The following ABCD4 variants were observed in gnomAD, a reference collection of about 807,000 sequenced individuals.
ABCD4 encodes the protein lysosomal cobalamin transporter ABCD4.
In ABCD4, 53 loss-of-function variants were observed where a neutral mutation model predicts 86.3. The ratio of observed to expected loss-of-function variants is 0.61; its 90% CI spans 0.49 to 0.77. The LOEUF (loss-of-function observed/expected upper bound fraction) is 0.77, where lower values mean the gene tolerates loss of function less well. ABCD4 is among the 30% of genes least tolerant of loss of function. ABCD4 has a pLI of 0.00. For missense variants in ABCD4, 757 were observed against 764.5 expected (o/e 0.99, Z 0.12); for synonymous variants, 328 against 313.6 (o/e 1.05, Z -0.49).
chr14:74,302,902 G>A lies in ABCD4; in HGVS notation c.11C>T (p.Ala4Val), dbSNP rs779381980. 2.0e-5 allele frequency: 32 copies of A among 1,606,882 alleles called. No homozygotes were observed. Among genetic ancestry groups the A allele is most frequent in the Admixed American group, 3.4e-5 (2 of 59,190 alleles). Residue 4 changes from alanine (A) to valine (V), a missense_variant, in exon 1 of 19, where the codon GCG becomes GTG. Physicochemically the swap from Ala to Val is moderately conservative, Grantham distance 64. Transcript: ENST00000356924. MAVAGPAPGAGARP... is the reference protein window; with the variant it reads MAVVGPAPGAGARP... ...GGCGCCAGCTCCGGGCGCGGGCCCC[G>A]CGACCGCCATGACCTGAGACCCGAG...
chr14:74,289,907 C>G (rs1451735622), intron 13 of ABCD4, 120 bp downstream of exon 13: 1 of 1,550,828 alleles, frequency 6.4e-7, no homozygotes, highest in African/African-American at 1.4e-5. Context: ...GCCCGGGCCA[C>G]TTCACCACCT....
chr14:74,293,358 T>C, intron 7 of ABCD4, 110 bp from the exon 8 acceptor site: 1 of 969,378 alleles, frequency 1.0e-6, no homozygotes, highest in Non-Finnish European at 1.6e-6. Flanking sequence ...ATTCAAATGA[T>C]CTTGGTCTCA....
At chr14:74,293,024 C>G (rs1459378276) in intron 8 of ABCD4, 130 bp downstream of exon 8, 13 of 1,439,892 alleles carry the variant, frequency 9.0e-6, no homozygotes, top group Middle Eastern at 1.9e-4. Context: ...AACAGCCCCC[C>G]CTCCTCATCC....
intron 4 of ABCD4, chr14:74,296,700 G>A (rs1455206488): frequency 1.3e-5 from 6 of 459,488 alleles, no homozygotes; most frequent in Non-Finnish European, 2.0e-5. Flanking sequence ...GGAACTGAAA[G>A]GTCCAGTACC....
rs2083800986 is a variant in ABCD4, at chr14:74,299,656, C to T, written c.177G>A (p.Gln59=). 6.2e-7 allele frequency: 1 copy of T among 1,613,032 alleles called. No individual in the cohort carries two copies. Among genetic ancestry groups the T allele is most frequent in the African/African-American group, 1.3e-5 (1 of 74,864 alleles). Residue 59 remains glutamine (Q), a synonymous_variant, in exon 3 of 19, where the codon CAG becomes CAA. Transcript: ENST00000356924. ...AGTACTGACTGGGGATCAAGCCAAC[C>T]TGGTAGATCACAAATTGCTCTGAAA... ...LTLLEQFVIY[Q]VGLIPSQYYG... is the part of the protein sequence containing the mutation.
At chr14:74,287,119 A>C (rs893872199) in intron 17 of ABCD4, among the ~76,000 whole-genome samples, 11 of 152,196 alleles carry the variant, frequency 7.2e-5, no homozygotes, top group Non-Finnish European at 1.3e-4. Context: ...TCTTTGGAAA[A>C]GTCCACACCC....
chr14:74,288,737 C>T lies in ABCD4; in HGVS notation c.1485G>A (p.Arg495=). 1 of 1,613,870 alleles carries T rather than the reference C, an allele frequency of 6.2e-7. No homozygotes were observed. The highest frequency in any genetic ancestry group is 8.5e-7 in the Non-Finnish European group (1 of 1,179,936). Residue 495 remains arginine (R), a synonymous_variant, in exon 15 of 19, where the codon AGG becomes AGA. Transcript: ENST00000356924. ...TTACCAGGCCTGCCAATTCCAAGAA[C>T]CTCAAGATCCTCTCATCATCGGCAG... ...SGSADDERIL[R]FLELAGLSNL... is the part of the protein sequence containing the mutation.
chr14:74,302,820 T>C, intron 1 of ABCD4, 55 bp downstream of exon 1: 1 of 1,562,866 alleles, frequency 6.4e-7, no homozygotes, highest in Non-Finnish European at 8.7e-7. Context: ...GAAAGCCCAT[T>C]CCCTACAGCC....
At position 74,300,195 on chromosome 14, in the gene ABCD4, G is replaced by T. The variant is rs1280127637; in HGVS notation, c.112C>A (p.Gln38Lys). Residue 38 changes from glutamine (Q) to lysine (K), a missense_variant, in exon 2 of 19, where the codon CAA becomes AAA. By Grantham distance (53) the Gln-to-Lys change is moderately conservative. Coordinates refer to ENST00000356924, the MANE Select transcript of ABCD4 (RefSeq NM_005050.4). ...AGGGTCAGGAACATCAAGGCATTTT[G>T]TGATGACCAAGAAGGAAACAAAACC... is the stretch of plus-strand genomic sequence containing the variant. ...LKVLFPSWSS[Q>K]NALMFLTLLC... The T allele has an allele frequency of 6.2e-7, 1 of 1,608,616 alleles. No individual in the cohort carries two copies. Among genetic ancestry groups the T allele is most frequent in the Admixed American group, 1.7e-5 (1 of 59,750 alleles).
intron 1 of ABCD4, among the ~76,000 whole-genome samples, 197 bp from the exon 2 acceptor site, chr14:74,300,465 G>T (rs1016565467): frequency 1.3e-5 from 2 of 151,876 alleles, no homozygotes; most frequent in African/African-American, 2.4e-5. Context: ...GGTGGCTCAT[G>T]CCTGTAATCC....
In ABCD4 at chr14:74,302,879, C is replaced by A; in HGVS notation, c.34G>T (p.Ala12Ser). The change falls in exon 1 of 19, where the codon GCC becomes TCC. Residue 12 changes from alanine to serine, a missense_variant. Physicochemically the swap from Ala to Ser is moderately conservative, Grantham distance 99. Transcript: ENST00000356924. Reference protein sequence around the residue: ...AVAGPAPGAGARPRLDLQFLQ... With the variant: ...AVAGPAPGAGSRPRLDLQFLQ... ...CTCCCCGACCGCCCTGCTTACCTGG[C>A]GCCAGCTCCGGGCGCGGGCCCCGCG... 1 of 1,607,200 alleles carries A rather than the reference C, an allele frequency of 6.2e-7. No individual in the cohort carries two copies.
chr14:74,290,665 T>G (rs1412629410), intron 11 of ABCD4, among the ~76,000 whole-genome samples, 166 bp from the exon 12 acceptor site: 1 of 147,478 alleles, frequency 6.8e-6, no homozygotes, highest in Non-Finnish European at 1.5e-5. Context: ...AGAATGTAAC[T>G]GCATTCGGAG....
intron 16 of ABCD4, 114 bp from the exon 17 acceptor site, chr14:74,288,000 C>G (rs1203546351): frequency 8.8e-7 from 1 of 1,137,118 alleles, no homozygotes; most frequent in East Asian, 2.6e-5. Context: ...CCCCAGGAGA[C>G]AGAAGCCCCT....
At position 74,292,305 on chromosome 14, in the gene ABCD4, C is replaced by A; in HGVS notation, c.1100G>T (p.Ser367Ile). The A allele has an allele frequency of 1.9e-6, 3 of 1,614,118 alleles. No homozygotes were observed. The highest frequency in any genetic ancestry group is 1.7e-6 in the Non-Finnish European group (2 of 1,180,036). The change falls in exon 11 of 19, where the codon AGC becomes ATC. Residue 367 changes from serine (S) to isoleucine (I), a missense_variant. By Grantham distance (142) the Ser-to-Ile change is moderately radical (BLOSUM62 -2). Coordinates refer to ENST00000356924, the MANE Select transcript of ABCD4 (RefSeq NM_005050.4). ...KSQDCEILGE[S>I]EWGLDTPPGW... ...TACTCACGTGTCCAAGCCCCACTCG[C>A]TCTCGCCCAGGATCTCGCAGTCCTG...
At position 74,292,577 on chromosome 14, in the gene ABCD4, G is replaced by C; in HGVS notation, c.1002C>G (p.Leu334=). 3 of 1,614,078 alleles carry C rather than the reference G, an allele frequency of 1.9e-6. No individual in the cohort carries two copies. Among genetic ancestry groups the C allele is most frequent in the Non-Finnish European group, 2.5e-6 (3 of 1,180,014 alleles). ...TGTGCGTGTAGCCAGCCACATCTGAGAGCGTCGTGGACAGGTCGATGAGCT... is the reference window on the plus strand; with the variant it reads ...TGTGCGTGTAGCCAGCCACATCTGACAGCGTCGTGGACAGGTCGATGAGCT... ...FTQLIDLSTT[L]SDVAGYTHRI... is the part of the protein sequence containing the mutation. The change falls in exon 10 of 19, where the codon CTC becomes CTG. Residue 334 remains leucine, a synonymous_variant. Coordinates refer to ENST00000356924, the MANE Select transcript of ABCD4 (RefSeq NM_005050.4).
chr14:74,299,116 TA>T lies in ABCD4; in HGVS notation c.285+431del, dbSNP rs3216812. ...GGTAGCCCCCCTACTGAATGAGGGG[TA>T]GGGGAGGAGGCCATTCTGCAAGAAA... is the stretch of plus-strand genomic sequence containing the variant. On this transcript the variant is annotated intron_variant, in intron 3 of 18. Transcript: ENST00000356924. 2.2e-3 allele frequency: 350 copies of T among 158,692 alleles called. 20 individuals carry two copies. In the East Asian group the frequency reaches 0.06, roughly 27 times the overall value. The allele number at this position is 158,692 out of a possible 1,614,324, so 9.8% of individuals were successfully genotyped here.
At chr14:74,293,341 C>A in intron 7 of ABCD4, 93 bp from the exon 8 acceptor site, 1 of 1,127,420 alleles carries the variant, frequency 8.9e-7, no homozygotes, top group Non-Finnish European at 1.3e-6. Flanking sequence ...CTTTAGAAAC[C>A]AAGGCCATTC....
Position 74,288,929 on chromosome 14 carries a change from T to C in ABCD4, c.1457-164A>G, listed in dbSNP as rs55737040. The C allele has an allele frequency of 0.016, 15,175 of 971,494 alleles. 1,534 individuals carry two copies. In the African/African-American group the frequency reaches 0.23, roughly 14 times the overall value. 60.2% of individuals were successfully genotyped at this position (971,494 alleles called of 1,614,324 possible). A position where few individuals can be genotyped will look rare whatever the true frequency, so the allele number is the denominator to read the frequency against. ...GAGATGGAGACCACCCTGGCCAACA[T>C]GGTGAAACGCTGTCTCTACTAAATA... On this transcript the variant is annotated intron_variant, in intron 14 of 18. Coordinates refer to ENST00000356924, the MANE Select transcript of ABCD4 (RefSeq NM_005050.4).
rs1399805744 is a variant in ABCD4, at chr14:74,285,847, AG to A, written c.*613del. 2.0e-5 allele frequency: 3 copies of A among 152,338 alleles called. No individual in the cohort carries two copies. Among genetic ancestry groups the A allele is most frequent in the African/African-American group, 7.2e-5 (3 of 41,448 alleles). The allele number at this position is 152,338 out of a possible 1,614,324, so 9.4% of individuals were successfully genotyped here. A position where few individuals can be genotyped will look rare whatever the true frequency, so the allele number is the denominator to read the frequency against. On this transcript the variant is annotated 3_prime_UTR_variant, in exon 19 of 19. Transcript: ENST00000356924. The stretch of plus-strand genomic sequence containing the variant: ...AACTACACAACACTGGCAAGTGGAA[AG>A]GGAGATGTGGGGAGAAGTGAAAAAC...
Sources: allele counts gnomAD v4.1 joint callset (sites outside exome capture counted in the v4.1 genomes callset), GRCh38; gene constraint gnomAD v4.1.1; transcripts MANE v1.5; gene names NCBI Gene and HGNC (gene_info 2026-07-23, HGNC 2026-07-21).